The following SHISA9 variants were observed in gnomAD, a reference collection of about 807,000 sequenced individuals.
SHISA9 encodes the protein shisa family member 9, also known as protein shisa-9.
In SHISA9, 13 loss-of-function variants were observed where a neutral mutation model predicts 38.0. That is an observed-to-expected ratio of 0.34 (90% CI 0.22 to 0.54). SHISA9 has a LOEUF of 0.54. Ranked by LOEUF, SHISA9 falls within the 20% of genes least tolerant of loss-of-function variation. SHISA9 has a pLI of 0.91. For missense variants in SHISA9, 538 were observed against 575.8 expected (o/e 0.93, Z 0.67); for synonymous variants, 275 against 242.0 (o/e 1.14, Z -1.27).
downstream of SHISA9, among the ~76,000 whole-genome samples, chr16:13,244,024 G>T (rs1311133614): frequency 6.6e-6 from 1 of 151,984 alleles, no homozygotes; most frequent in African/African-American, 2.4e-5. Context: ...ACCCGCTTTG[G>T]CCTCCCAAAG....
chr16:13,486,098 C>T, the SHISA9 span, among the ~76,000 whole-genome samples: 1 of 152,202 alleles, frequency 6.6e-6, no homozygotes, highest in Non-Finnish European at 1.5e-5. Context: ...GGACCCCATT[C>T]CTGCACGGAG....
At chr16:13,487,892 C>T in the SHISA9 span, among the ~76,000 whole-genome samples, 1 of 152,032 alleles carries the variant, frequency 6.6e-6, no homozygotes, top group Non-Finnish European at 1.5e-5. Flanking sequence ...TGGGTTGGGC[C>T]AATGCAATTA....
chr16:13,399,994 G>A, the SHISA9 span, among the ~76,000 whole-genome samples: 13 of 152,292 alleles, frequency 8.5e-5, no homozygotes, highest in East Asian at 7.7e-4. Context: ...GCTTTCAAGC[G>A]TATCAGGTGC....
At chr16:12,937,887 A>G (rs1275665692) in intron 2 of SHISA9, among the ~76,000 whole-genome samples, 1 of 152,218 alleles carries the variant, frequency 6.6e-6, no homozygotes, top group Non-Finnish European at 1.5e-5. Context: ...TGGTCTATTT[A>G]GACCTAGATA....
chr16:13,455,903 C>G, the SHISA9 span, among the ~76,000 whole-genome samples: 1 of 152,118 alleles, frequency 6.6e-6, no homozygotes, highest in Non-Finnish European at 1.5e-5. Context: ...CTGGAGAAAC[C>G]TAAGCCCCGT....
At chr16:13,291,451 C>T in the SHISA9 span, among the ~76,000 whole-genome samples, 1 of 152,190 alleles carries the variant, frequency 6.6e-6, no homozygotes, top group Non-Finnish European at 1.5e-5. Flanking sequence ...AGTTACCCCA[C>T]AGAAACAGCA....
At chr16:13,300,612 C>T in the SHISA9 span, among the ~76,000 whole-genome samples, 3 of 152,164 alleles carry the variant, frequency 2.0e-5, no homozygotes, top group South Asian at 2.1e-4. Flanking sequence ...AAAGTCAATT[C>T]AATTGAGTCC....
chr16:13,073,575 C>T (rs1451209251), intron 2 of SHISA9, among the ~76,000 whole-genome samples: 1 of 152,144 alleles, frequency 6.6e-6, no homozygotes. Context: ...GCCCGGCAAT[C>T]TGCAGTGCAA....
intron 2 of SHISA9, among the ~76,000 whole-genome samples, chr16:13,035,715 G>C (rs1367966147): frequency 6.6e-6 from 1 of 152,136 alleles, no homozygotes; most frequent in Non-Finnish European, 1.5e-5. Flanking sequence ...ATTTTTAGTA[G>C]AGATAGGGTT....
chr16:12,968,819 A>T (rs947087672), intron 2 of SHISA9, among the ~76,000 whole-genome samples: 1 of 152,148 alleles, frequency 6.6e-6, no homozygotes, highest in East Asian at 1.9e-4. Context: ...GCCATAGATG[A>T]TATATGTAAA....
chr16:13,313,268 A>ACAAAAAG, the SHISA9 span, among the ~76,000 whole-genome samples: 13 of 151,646 alleles, frequency 8.6e-5, no homozygotes, highest in Non-Finnish European at 1.6e-4. Flanking sequence ...AAAAAAAAAA[A>ACAAAAAG]AAAACCCAGT....
chr16:13,469,326 GAAAGAA>G, the SHISA9 span, among the ~76,000 whole-genome samples: 4 of 95,772 alleles, frequency 4.2e-5, no homozygotes, highest in South Asian at 7.8e-4. Flanking sequence ...GAGAGAGAAA[GAAAGAA>G]AGAAAGAAAG....
chr16:13,549,485 T>G, the SHISA9 span, among the ~76,000 whole-genome samples: 1 of 152,134 alleles, frequency 6.6e-6, no homozygotes, highest in Non-Finnish European at 1.5e-5. Context: ...GCATCATGGT[T>G]TGTGCAAAGT....
intron 2 of SHISA9, among the ~76,000 whole-genome samples, chr16:13,169,829 T>G (rs2050669660): frequency 6.6e-6 from 1 of 152,140 alleles, no homozygotes; most frequent in Admixed American, 6.5e-5. Context: ...CTTGGGGCTT[T>G]CCTGGGTTGC....
the SHISA9 span, among the ~76,000 whole-genome samples, chr16:13,516,325 C>T: frequency 6.6e-6 from 1 of 152,108 alleles, no homozygotes; most frequent in Non-Finnish European, 1.5e-5. Flanking sequence ...TCACCCTGGA[C>T]CTAGAAGCAG....
chr16:13,395,298 C>T, the SHISA9 span, among the ~76,000 whole-genome samples: 1 of 152,174 alleles, frequency 6.6e-6, no homozygotes, highest in African/African-American at 2.4e-5. Context: ...TTGGACTATA[C>T]AGTGCTCAAC....
the SHISA9 span, among the ~76,000 whole-genome samples, chr16:13,448,829 G>C: frequency 2.0e-5 from 3 of 152,238 alleles, no homozygotes; most frequent in Non-Finnish European, 4.4e-5. Context: ...GCCAGTAAGT[G>C]TGTGGCTCCG....
At chr16:13,406,333 C>G in the SHISA9 span, among the ~76,000 whole-genome samples, 4 of 152,202 alleles carry the variant, frequency 2.6e-5, no homozygotes, top group Admixed American at 1.3e-4. Flanking sequence ...GCCAATGTTA[C>G]TCTTAACTTT....
the SHISA9 span, among the ~76,000 whole-genome samples, chr16:13,358,096 AAG>A: frequency 2.6e-5 from 4 of 152,102 alleles, no homozygotes; most frequent in African/African-American, 7.2e-5. Context: ...CTCCCTTGAA[AAG>A]AGAGAATCTT....
Sources: gnomAD v4.1 joint callset for allele counts (sites outside exome capture counted in the v4.1 genomes callset) on GRCh38, gnomAD v4.1.1 for gene constraint, MANE v1.5 for transcripts, NCBI Gene and HGNC (gene_info 2026-07-23, HGNC 2026-07-21) for gene names.